CYTH3: variants seen among roughly 807,000 people sequenced by gnomAD.
CYTH3 encodes cytohesin-3.
In CYTH3, 23 loss-of-function variants were observed where a neutral mutation model predicts 55.1. That is an observed-to-expected ratio of 0.42 (90% confidence interval 0.30 to 0.59). The LOEUF (loss-of-function observed/expected upper bound fraction) is 0.59. Among genes scored for constraint, CYTH3 ranks in the 20% least tolerant of loss-of-function variants. The pLI, the probability that CYTH3 is intolerant of heterozygous loss-of-function variation, is 0.20. For synonymous variants in CYTH3, 249 were observed against 194.9 expected (o/e 1.28, Z -2.31); for missense variants, 413 against 524.8 (o/e 0.79, Z 2.08).
At chr7:6,174,462 G>A (rs1313358819) in intron 5 of CYTH3, among the ~76,000 whole-genome samples, 2 of 151,496 alleles carry the variant, frequency 1.3e-5, no homozygotes, top group Admixed American at 6.6e-5. Context: ...TGACTTCCCT[G>A]CAGCCTTGCT....
Position 6,170,480 on chromosome 7 carries a change from G to T in CYTH3, c.823+55C>A. On this transcript the variant is annotated intron_variant, in intron 9 of 12. Coordinates refer to ENST00000350796, the MANE Select transcript of CYTH3 (RefSeq NM_004227.4). This position sits in a 1 kb window ranked among gnomAD's most constrained non-coding sequence, Gnocchi z 7.8. ...GATGAGCCTGGGAGGAACCCGAGGG[G>T]CTGCTGCCATGGGCAGAGGGGTCAC... 6.6e-7 allele frequency: 1 copy of T among 1,520,972 alleles called. No individual in the cohort carries two copies. Among genetic ancestry groups the T allele is most frequent in the Non-Finnish European group, 9.0e-7 (1 of 1,107,872 alleles). 94.2% of individuals were successfully genotyped at this position (1,520,972 alleles called of 1,614,324 possible). A position where few individuals can be genotyped will look rare whatever the true frequency, so the allele number is the denominator to read the frequency against.
chr7:6,227,998 T>A (rs1779296901), intron 1 of CYTH3, among the ~76,000 whole-genome samples: 1 of 152,214 alleles, frequency 6.6e-6, no homozygotes, highest in South Asian at 2.1e-4. Flanking sequence ...AGATAATTGC[T>A]AGGGTTCACT....
chr7:6,205,577 C>A (rs1784165444), intron 1 of CYTH3, among the ~76,000 whole-genome samples: 1 of 151,950 alleles, frequency 6.6e-6, no homozygotes, highest in Admixed American at 6.6e-5. Flanking sequence ...CCGTCTCCAA[C>A]AAACAAATAA....
chr7:6,259,212 A>G (rs1562416907), intron 1 of CYTH3, among the ~76,000 whole-genome samples: 1 of 152,230 alleles, frequency 6.6e-6, no homozygotes, highest in Non-Finnish European at 1.5e-5. Context: ...ATCACTAATT[A>G]CCTAGATATT....
intron 1 of CYTH3, among the ~76,000 whole-genome samples, chr7:6,254,578 A>G (rs2115051928): frequency 6.6e-6 from 1 of 152,322 alleles, no homozygotes; most frequent in South Asian, 2.1e-4. Context: ...CCTCCCAAGA[A>G]GCTGGGATTA....
intron 1 of CYTH3, among the ~76,000 whole-genome samples, chr7:6,209,383 T>A (rs961902325): frequency 1.3e-5 from 2 of 152,226 alleles, no homozygotes; most frequent in African/African-American, 4.8e-5. Flanking sequence ...GTAATAGACA[T>A]TGAGACTTTC....
chr7:6,184,605 C>G (rs1204471519), intron 4 of CYTH3, among the ~76,000 whole-genome samples: 1 of 151,968 alleles, frequency 6.6e-6, no homozygotes, highest in Non-Finnish European at 1.5e-5. Flanking sequence ...TGAGAGACAG[C>G]CTCTTACTCT....
At chr7:6,271,103 G>A (rs1245484615) in intron 1 of CYTH3, among the ~76,000 whole-genome samples, 1 of 151,928 alleles carries the variant, frequency 6.6e-6, no homozygotes, top group Non-Finnish European at 1.5e-5. Context: ...CATGGCTCCA[G>A]ACAGCCTGAC....
Position 6,190,541 on chromosome 7 carries a change from G to GA in CYTH3, c.35-11dup. 6.7e-7 allele frequency: 1 copy of GA among 1,496,990 alleles called. No individual in the cohort carries two copies. The highest frequency in any genetic ancestry group is 8.8e-7 in the Non-Finnish European group (1 of 1,134,722). The allele number at this position is 1,496,990 out of a possible 1,614,324, so 92.7% of individuals were successfully genotyped here. A position where few individuals can be genotyped will look rare whatever the true frequency, so the allele number is the denominator to read the frequency against. On this transcript the variant is annotated splice_polypyrimidine_tract_variant and intron_variant, in intron 1 of 12. Coordinates refer to ENST00000350796, the MANE Select transcript of CYTH3 (RefSeq NM_004227.4). Reference sequence around the variant, plus strand: ...GAGAGGTCTTCAGGCACTGAAAGAAGAAAAAAATAATTAACTACTTTGGAG... The same window carrying GA: ...GAGAGGTCTTCAGGCACTGAAAGAAGAAAAAAAATAATTAACTACTTTGGAG...
chr7:6,253,035 C>T (rs529688273), intron 1 of CYTH3, among the ~76,000 whole-genome samples: 2 of 152,058 alleles, frequency 1.3e-5, no homozygotes, highest in South Asian at 2.1e-4. Context: ...TACCAAAGAA[C>T]AAGAAAAATG....
At chr7:6,175,927 T>C (rs990908779) in intron 5 of CYTH3, among the ~76,000 whole-genome samples, 35 of 152,150 alleles carry the variant, frequency 2.3e-4, no homozygotes, top group African/African-American at 8.4e-4. Flanking sequence ...GTCCCTTGAA[T>C]TTTCCATAGT....
At chr7:6,243,067 C>T (rs1779715395) in intron 1 of CYTH3, among the ~76,000 whole-genome samples, 3 of 152,152 alleles carry the variant, frequency 2.0e-5, no homozygotes, top group African/African-American at 7.2e-5. Flanking sequence ...TAGATGCACA[C>T]CTAGTCTCAT....
intron 1 of CYTH3, among the ~76,000 whole-genome samples, chr7:6,204,321 T>C (rs573721901): frequency 6.6e-6 from 1 of 152,314 alleles, no homozygotes; most frequent in South Asian, 2.1e-4. Flanking sequence ...CTTTGCTCAA[T>C]CTCTGGAGGT....
intron 1 of CYTH3, among the ~76,000 whole-genome samples, chr7:6,201,032 T>C (rs192451949): frequency 6.6e-6 from 1 of 152,232 alleles, no homozygotes; most frequent in East Asian, 1.9e-4. Context: ...AGTGCTGGGA[T>C]TGTAGGTATG....
intron 1 of CYTH3, among the ~76,000 whole-genome samples, chr7:6,259,434 C>T (rs1032227706): frequency 6.6e-6 from 1 of 151,844 alleles, no homozygotes; most frequent in Non-Finnish European, 1.5e-5. Context: ...TAAATTTACT[C>T]GAGGAAAGTA....
intron 1 of CYTH3, among the ~76,000 whole-genome samples, chr7:6,259,759 ATATATATATATATT>A (rs1780245046): frequency 2.3e-4 from 6 of 26,588 alleles, no homozygotes; most frequent in African/African-American, 2.0e-3. Flanking sequence ...TATATATATT[ATATATATATATATT>A]ATATATATAT....
At chr7:6,234,929 G>A (rs754167105) in intron 1 of CYTH3, among the ~76,000 whole-genome samples, 1 of 152,120 alleles carries the variant, frequency 6.6e-6, no homozygotes, top group Non-Finnish European at 1.5e-5. Context: ...GTTATCAATG[G>A]TTCTTCCCCA....
chr7:6,207,536 G>A (rs1160094294), intron 1 of CYTH3, among the ~76,000 whole-genome samples: 2 of 152,092 alleles, frequency 1.3e-5, no homozygotes, highest in Non-Finnish European at 1.5e-5. Context: ...AAGCCAAGGG[G>A]GTTGGATCAC....
chr7:6,245,489 GCACC>G (rs1182334929), intron 1 of CYTH3, among the ~76,000 whole-genome samples: 1 of 152,114 alleles, frequency 6.6e-6, no homozygotes, highest in Non-Finnish European at 1.5e-5. Flanking sequence ...GGGAGAAGGT[GCACC>G]CTAGAGAGAA....
Sources: allele counts gnomAD v4.1 joint callset (sites outside exome capture counted in the v4.1 genomes callset), GRCh38; gene constraint gnomAD v4.1.1; non-coding constraint Gnocchi (gnomAD v3.1); transcripts MANE v1.5; gene names NCBI Gene and HGNC (gene_info 2026-07-23, HGNC 2026-07-21).